LRRTM2: variants seen among roughly 807,000 people sequenced by gnomAD.
LRRTM2 encodes the protein leucine-rich repeat transmembrane neuronal protein 2.
LRRTM2 carries 14 observed loss-of-function variants against 40.7 expected under a neutral mutation model. The ratio of observed to expected loss-of-function variants is 0.34; its 90% confidence interval spans 0.23 to 0.54. LRRTM2 has a LOEUF of 0.54. LRRTM2 is among the 20% of genes least tolerant of loss of function. The probability of loss-of-function intolerance (pLI) is 0.92; values close to 1 mark genes in which losing one functional copy is unlikely to be tolerated. For missense variants in LRRTM2, 468 were observed against 624.4 expected (o/e 0.75, Z 2.67); for synonymous variants, 223 against 237.6 (o/e 0.94, Z 0.57).
At position 138,874,296 on chromosome 5, in the gene LRRTM2, A is replaced by G. The variant is rs374282959; in HGVS notation, c.265T>C (p.Trp89Arg). Residue 89 changes from tryptophan to arginine, a missense_variant, in exon 2 of 2, where the codon TGG becomes CGG. Coordinates refer to ENST00000274711, the MANE Select transcript of LRRTM2 (RefSeq NM_015564.3). The surrounding 1 kb of genome is among the most constrained non-coding windows in gnomAD (Gnocchi z 4.1). ...ATTTGATTGTGATCTAAGTGGAGCC[A>G]AGTAAGTTGACTGAAGCTGGCAAAT... ...DQFASFSQLT[W>R]LHLDHNQIST... The G allele has an allele frequency of 9.9e-6, 16 of 1,614,056 alleles. No homozygotes were observed. The highest frequency in any genetic ancestry group is 1.2e-5 in the Non-Finnish European group (14 of 1,179,904).
At position 138,874,384 on chromosome 5, in the gene LRRTM2, TGTG is replaced by T; in HGVS notation, c.174_176del (p.Thr59del). Reference sequence around the variant, plus strand: ...GGGACAGGCCCAGAGAGCCCTTGTCTGTGGCGTTTGGCACTGAGTGGAAGCCCT... The same window carrying T: ...GGGACAGGCCCAGAGAGCCCTTGTCTGCGTTTGGCACTGAGTGGAAGCCCT... On this transcript the variant is annotated inframe_deletion, in exon 2 of 2. Coordinates refer to ENST00000274711, the MANE Select transcript of LRRTM2 (RefSeq NM_015564.3). The surrounding 1 kb of genome is among the most constrained non-coding windows in gnomAD (Gnocchi z 4.1). 1 of 1,614,020 alleles carries T rather than the reference TGTG, an allele frequency of 6.2e-7. No homozygotes were observed. The highest frequency in any genetic ancestry group is 1.1e-5 in the South Asian group (1 of 91,078).
Position 138,874,316 on chromosome 5 carries a change from G to A in LRRTM2, c.245C>T (p.Ala82Val), listed in dbSNP as rs760522870. 6.2e-7 allele frequency: 1 copy of A among 1,614,000 alleles called. No homozygotes were observed. The highest frequency in any genetic ancestry group is 8.5e-7 in the Non-Finnish European group (1 of 1,179,902). Reference protein sequence around the residue: ...HITELERDQFASFSQLTWLHL... With the variant: ...HITELERDQFVSFSQLTWLHL... ...GAGCCAAGTAAGTTGACTGAAGCTG[G>A]CAAATTGATCTCTTTCGAGCTCTGT... Residue 82 changes from alanine (A) to valine (V), a missense_variant, in exon 2 of 2, where the codon GCC (alanine) becomes GTC (valine). Coordinates refer to ENST00000274711, the MANE Select transcript of LRRTM2 (RefSeq NM_015564.3). This position sits in a 1 kb window ranked among gnomAD's most constrained non-coding sequence, Gnocchi z 4.1.
At position 138,874,194 on chromosome 5, in the gene LRRTM2, A is replaced by G; in HGVS notation, c.367T>C (p.Tyr123His). 4.3e-6 allele frequency: 7 copies of G among 1,614,028 alleles called. No homozygotes were observed. Among genetic ancestry groups the G allele is most frequent in the Non-Finnish European group, 5.9e-6 (7 of 1,179,876 alleles). Residue 123 changes from tyrosine (Y) to histidine (H), a missense_variant, in exon 2 of 2, where the codon TAC becomes CAC. Physicochemically the swap from Tyr to His is moderately conservative, Grantham distance 83. Coordinates refer to ENST00000274711, the MANE Select transcript of LRRTM2 (RefSeq NM_015564.3). This position sits in a 1 kb window ranked among gnomAD's most constrained non-coding sequence, Gnocchi z 4.1. ...TGGGTAAAAGTTGTGTTTGGCAAGT[A>G]AAATATTTTGTTGGAACTTAAGATT... ...ELILSSNKIF[Y>H]LPNTTFTQLI... is the part of the protein sequence containing the mutation.
At position 138,870,912 on chromosome 5, in the gene LRRTM2, G is replaced by A. The variant is rs926398690; in HGVS notation, c.*2098C>T. The stretch of plus-strand genomic sequence containing the variant: ...CTCTGCCCAGACAAGCCCAGGGTCT[G>A]GTTTAACAAGAGACAAAATACTCAC... On this transcript the variant is annotated 3_prime_UTR_variant, in exon 2 of 2. Coordinates refer to ENST00000274711, the MANE Select transcript of LRRTM2 (RefSeq NM_015564.3). 2.0e-5 allele frequency: 3 copies of A among 152,098 alleles called. No homozygotes were observed. The highest frequency in any genetic ancestry group is 7.2e-5 in the African/African-American group (3 of 41,428). The allele number at this position is 152,098 out of a possible 1,614,324, so 9.4% of individuals were successfully genotyped here.
rs1380522297 is a variant in LRRTM2 at position 138,872,952 on chromosome 5, G to A, written c.*58C>T. Reference sequence around the variant, plus strand: ...TTGGTAAAAATTAGATATGTATTTAGCCTCTACTATGTAAAATAGGTTACT... The same window carrying A: ...TTGGTAAAAATTAGATATGTATTTAACCTCTACTATGTAAAATAGGTTACT... On this transcript the variant is annotated 3_prime_UTR_variant, in exon 2 of 2. Coordinates refer to ENST00000274711, the MANE Select transcript of LRRTM2 (RefSeq NM_015564.3). The A allele has an allele frequency of 3.2e-6, 4 of 1,253,782 alleles. No individual in the cohort carries two copies. The highest frequency in any genetic ancestry group is 4.4e-6 in the Non-Finnish European group (4 of 900,178). 77.7% of individuals were successfully genotyped at this position (1,253,782 alleles called of 1,614,324 possible).
Position 138,872,196 on chromosome 5 carries a change from G to A in LRRTM2, c.*814C>T, listed in dbSNP as rs186652837. On this transcript the variant is annotated 3_prime_UTR_variant, in exon 2 of 2. Coordinates refer to ENST00000274711, the MANE Select transcript of LRRTM2 (RefSeq NM_015564.3). ...AACATAGGATTTAGTACATTAATTA[G>A]TACAATGACAGTTTAATGCTAGTTT... The A allele has an allele frequency of 9.2e-5, 14 of 152,630 alleles. No homozygotes were observed. In the East Asian group the frequency reaches 2.3e-3, roughly 25 times the overall value. The allele number at this position is 152,630 out of a possible 1,614,324, so 9.5% of individuals were successfully genotyped here.
chr5:138,872,278 G>A lies in LRRTM2; in HGVS notation c.*732C>T, dbSNP rs1750740111. 6.6e-6 allele frequency: 1 copy of A among 152,578 alleles called. No homozygotes were observed. Among genetic ancestry groups the A allele is most frequent in the South Asian group, 2.1e-4 (1 of 4,826 alleles). The allele number at this position is 152,578 out of a possible 1,614,324, so 9.5% of individuals were successfully genotyped here. A position where few individuals can be genotyped will look rare whatever the true frequency, so the allele number is the denominator to read the frequency against. On this transcript the variant is annotated 3_prime_UTR_variant, in exon 2 of 2. Coordinates refer to ENST00000274711, the MANE Select transcript of LRRTM2 (RefSeq NM_015564.3). ...GTCCATTATAAGTCAAACGAGAAAT[G>A]TATAAGAAGTTGGTGTAATTATTTA...
chr5:138,870,545 G>A lies in LRRTM2; in HGVS notation c.*2465C>T, dbSNP rs776918196. On this transcript the variant is annotated 3_prime_UTR_variant, in exon 2 of 2. Coordinates refer to ENST00000274711, the MANE Select transcript of LRRTM2 (RefSeq NM_015564.3). ...AATTTGCTTTTGTCCGTACACTAAG[G>A]ATTTTGCCAGTTATGGTCCTTTAAG... The A allele has an allele frequency of 1.3e-5, 2 of 152,154 alleles. No individual in the cohort carries two copies. Among genetic ancestry groups the A allele is most frequent in the South Asian group, 4.1e-4 (2 of 4,826 alleles). The allele number at this position is 152,154 out of a possible 1,614,324, so 9.4% of individuals were successfully genotyped here.
rs1444840426 is a variant in LRRTM2 at position 138,869,538 on chromosome 5, T to C, written c.*3472A>G. The stretch of plus-strand genomic sequence containing the variant: ...TTCTTTAACAAATTTTATATTGATA[T>C]CCACACTTCAGAAAAAGAACAGGAC... On this transcript the variant is annotated 3_prime_UTR_variant, in exon 2 of 2. Coordinates refer to ENST00000274711, the MANE Select transcript of LRRTM2 (RefSeq NM_015564.3). 1 of 152,218 alleles carries C rather than the reference T, an allele frequency of 6.6e-6. No homozygotes were observed. Among genetic ancestry groups the C allele is most frequent in the African/African-American group, 2.4e-5 (1 of 41,464 alleles). 9.4% of individuals were successfully genotyped at this position (152,218 alleles called of 1,614,324 possible).
In LRRTM2 at chr5:138,874,142, A is replaced by G; in HGVS notation, c.419T>C (p.Leu140Pro). ...TQLINLQNLD[L>P]SFNQLSSLHP... ...CAGAGATGACAGCTGATTAAAAGAC[A>G]GGTCCAAATTTTGCAGGTTAATCAG... The change falls in exon 2 of 2, where the codon CTG becomes CCG. Residue 140 changes from leucine to proline, a missense_variant. Transcript: ENST00000274711. This position sits in a 1 kb window ranked among gnomAD's most constrained non-coding sequence, Gnocchi z 4.1. The G allele has an allele frequency of 1.9e-6, 3 of 1,613,772 alleles. No homozygotes were observed. Among genetic ancestry groups the G allele is most frequent in the Non-Finnish European group, 2.5e-6 (3 of 1,179,734 alleles).
rs149114250 is a variant in LRRTM2, at chr5:138,873,955, T to G, written c.606A>C (p.Ala202=). Residue 202 remains alanine, a synonymous_variant, in exon 2 of 2, where the codon GCA becomes GCC. Coordinates refer to ENST00000274711, the MANE Select transcript of LRRTM2 (RefSeq NM_015564.3). The surrounding 1 kb of genome is among the most constrained non-coding windows in gnomAD (Gnocchi z 6.1). ...GAAGCTCTCTCAGTTTAATTAATCC[T>G]GCAAATCCATTGCGAGCCAAACTTC... ...RLRSLARNGF[A]GLIKLRELHL... 1.2e-6 allele frequency: 2 copies of G among 1,614,022 alleles called. No homozygotes were observed. Among genetic ancestry groups the G allele is most frequent in the South Asian group, 1.1e-5 (1 of 91,084 alleles).
chr5:138,873,707 T>C lies in LRRTM2; in HGVS notation c.854A>G (p.Asp285Gly), dbSNP rs766947675. The C allele has an allele frequency of 1.2e-6, 2 of 1,614,044 alleles. No individual in the cohort carries two copies. The highest frequency in any genetic ancestry group is 1.7e-5 in the Admixed American group (1 of 60,024). The change falls in exon 2 of 2, where the codon GAT becomes GGT. Residue 285 changes from aspartate to glycine, a missense_variant. Transcript: ENST00000274711. The surrounding 1 kb of genome is among the most constrained non-coding windows in gnomAD (Gnocchi z 6.1). ...TMPNLKILLM[D>G]NNKLNSLDSK... ...ATCAAGGCTGTTTAACTTGTTGTTA[T>C]CCATGAGGAGTATTTTAAGATTGGG...
rs1168723434 is a variant in LRRTM2 at position 138,873,535 on chromosome 5, A to G, written c.1026T>C (p.Pro342=). ...GAATATCCTCTCCTTGGGTGTGGTCAGGACTGTGGCATAGGATGGAGTGTT... is the reference window on the plus strand; with the variant it reads ...GAATATCCTCTCCTTGGGTGTGGTCGGGACTGTGGCATAGGATGGAGTGTT... ...RWEHSILCHS[P]DHTQGEDILD... Residue 342 remains proline, a synonymous_variant, in exon 2 of 2, where the codon CCT becomes CCC. Transcript: ENST00000274711. This position sits in a 1 kb window ranked among gnomAD's most constrained non-coding sequence, Gnocchi z 6.1. The G allele has an allele frequency of 6.2e-7, 1 of 1,614,010 alleles. No individual in the cohort carries two copies. The highest frequency in any genetic ancestry group is 8.5e-7 in the Non-Finnish European group (1 of 1,179,892).
Position 138,874,315 on chromosome 5 carries a change from G to A in LRRTM2, c.246C>T (p.Ala82=). Reference sequence around the variant, plus strand: ...GGAGCCAAGTAAGTTGACTGAAGCTGGCAAATTGATCTCTTTCGAGCTCTG... The same window carrying A: ...GGAGCCAAGTAAGTTGACTGAAGCTAGCAAATTGATCTCTTTCGAGCTCTG... ...HITELERDQF[A]SFSQLTWLHL... The change falls in exon 2 of 2, where the codon GCC becomes GCT. Residue 82 remains alanine (A), a synonymous_variant. Coordinates refer to ENST00000274711, the MANE Select transcript of LRRTM2 (RefSeq NM_015564.3). The surrounding 1 kb of genome is among the most constrained non-coding windows in gnomAD (Gnocchi z 4.1). 1 of 1,614,020 alleles carries A rather than the reference G, an allele frequency of 6.2e-7. No individual in the cohort carries two copies. The highest frequency in any genetic ancestry group is 8.5e-7 in the Non-Finnish European group (1 of 1,179,900).
At position 138,874,978 on chromosome 5, in the gene LRRTM2, A is replaced by C. The variant is rs1440189084; in HGVS notation, c.-67T>G. 1.3e-6 allele frequency: 2 copies of C among 1,563,256 alleles called. No individual in the cohort carries two copies. Among genetic ancestry groups the C allele is most frequent in the African/African-American group, 2.7e-5 (2 of 73,732 alleles). The stretch of plus-strand genomic sequence containing the variant: ...AGACTCAACGCAGTGAGTCTGTAAA[A>C]GGCTCTAACATGTAGGAGCCTTTGA... On this transcript the variant is annotated 5_prime_UTR_variant, in exon 1 of 2. Coordinates refer to ENST00000274711, the MANE Select transcript of LRRTM2 (RefSeq NM_015564.3). This position sits in a 1 kb window ranked among gnomAD's most constrained non-coding sequence, Gnocchi z 4.1.
Position 138,872,070 on chromosome 5 carries a change from G to C in LRRTM2, c.*940C>G, listed in dbSNP as rs996413013. 1.4e-5 allele frequency: 1 copy of C among 70,430 alleles called. No individual in the cohort carries two copies. The highest frequency in any genetic ancestry group is 6.9e-5 in the African/African-American group (1 of 14,416). 4.4% of individuals were successfully genotyped at this position (70,430 alleles called of 1,614,324 possible). On this transcript the variant is annotated 3_prime_UTR_variant, in exon 2 of 2. Transcript: ENST00000274711. ...TGTGTGTGTGTGTGTGTGTGTGTGC[G>C]CTTTTAAATTGGAGGGAGCATGTCA... is the stretch of plus-strand genomic sequence containing the variant.
At position 138,874,425 on chromosome 5, in the gene LRRTM2, A is replaced by G; in HGVS notation, c.136T>C (p.Tyr46His). The change falls in exon 2 of 2, where the codon TAC becomes CAC. Residue 46 changes from tyrosine to histidine, a missense_variant. Tyr to His is a moderately conservative substitution (Grantham distance 83). Transcript: ENST00000274711. The surrounding 1 kb of genome is among the most constrained non-coding windows in gnomAD (Gnocchi z 4.1). ...PKCRCEKLLF[Y>H]CDSQGFHSVP... ...GAGTGGAAGCCCTGAGAGTCGCAGT[A>G]GAAGAGCAGCTTCTCGCAGCGGCAT... The G allele has an allele frequency of 6.2e-7, 1 of 1,613,968 alleles. No homozygotes were observed. The highest frequency in any genetic ancestry group is 2.2e-5 in the East Asian group (1 of 44,880).
chr5:138,872,025 AGAGT>A lies in LRRTM2; in HGVS notation c.*981_*984del, dbSNP rs1482968865. ...CATGATAGTTGAGAGAGAGAGCGCG[AGAGT>A]GTGTGTGTGTGTGTGTGTGTGTGTG... On this transcript the variant is annotated 3_prime_UTR_variant, in exon 2 of 2. Transcript: ENST00000274711. The A allele has an allele frequency of 9.0e-6, 1 of 111,156 alleles. No homozygotes were observed. The highest frequency in any genetic ancestry group is 1.8e-5 in the Non-Finnish European group (1 of 54,084). The allele number at this position is 111,156 out of a possible 1,614,324, so 6.9% of individuals were successfully genotyped here.
At position 138,872,956 on chromosome 5, in the gene LRRTM2, C is replaced by G; in HGVS notation, c.*54G>C. ...TAAAAATTAGATATGTATTTAGCCT[C>G]TACTATGTAAAATAGGTTACTTATC... On this transcript the variant is annotated 3_prime_UTR_variant, in exon 2 of 2. Coordinates refer to ENST00000274711, the MANE Select transcript of LRRTM2 (RefSeq NM_015564.3). The G allele has an allele frequency of 7.6e-7, 1 of 1,315,680 alleles. No homozygotes were observed. The highest frequency in any genetic ancestry group is 1.1e-6 in the Non-Finnish European group (1 of 950,622). The allele number at this position is 1,315,680 out of a possible 1,614,324, so 81.5% of individuals were successfully genotyped here.
Sources: allele counts gnomAD v4.1 joint callset, GRCh38; gene constraint gnomAD v4.1.1; non-coding constraint Gnocchi (gnomAD v3.1); transcripts MANE v1.5; gene names NCBI Gene and HGNC (gene_info 2026-07-23, HGNC 2026-07-21).